CCNY: variants seen among roughly 807,000 people sequenced by gnomAD.
CCNY encodes the protein cyclin-Y.
In CCNY, 19 loss-of-function variants were observed where a neutral mutation model predicts 42.8. That is an observed-to-expected ratio of 0.44 (90% confidence interval 0.31 to 0.65). The LOEUF is 0.65. CCNY is among the 30% of genes least tolerant of loss of function. CCNY has a pLI of 0.07. For synonymous variants in CCNY, 165 were observed against 162.7 expected (o/e 1.01, Z -0.11); for missense variants, 370 against 437.3 (o/e 0.85, Z 1.37).
At chr10:35,379,015 T>A (rs192501764) in intron 1 of CCNY, among the ~76,000 whole-genome samples, 4 of 152,258 alleles carry the variant, frequency 2.6e-5, no homozygotes, top group African/African-American at 9.6e-5. Flanking sequence ...GGATGAAGGT[T>A]GAAAGGAGTA....
At chr10:35,471,265 G>A (rs1272496820) in intron 1 of CCNY, among the ~76,000 whole-genome samples, 7 of 152,106 alleles carry the variant, frequency 4.6e-5, no homozygotes, top group Middle Eastern at 3.2e-3. Context: ...AGGGGCTTGC[G>A]AGGGGGAGGG....
chr10:35,377,473 A>G (rs913648248), intron 1 of CCNY, among the ~76,000 whole-genome samples: 2 of 152,238 alleles, frequency 1.3e-5, no homozygotes, highest in African/African-American at 4.8e-5. Flanking sequence ...CGGCTGTCCT[A>G]TATAACCAAG....
intron 2 of CCNY, chr10:35,250,382 T>C (rs1378513495): frequency 6.6e-6 from 1 of 151,840 alleles, no homozygotes; most frequent in Non-Finnish European, 1.5e-5. Context: ...AAATAAATAA[T>C]AAAGTGAAGG....
intron 9 of CCNY, 87 bp from the exon 10 acceptor site, chr10:35,568,967 C>A: frequency 3.6e-6 from 3 of 844,476 alleles, no homozygotes; most frequent in Non-Finnish European, 6.0e-6. Flanking sequence ...GCCTGTCCCT[C>A]ATGCAGCGCC....
At chr10:35,315,239 C>G (rs1304162253) in intron 3 of CCNY, 1 of 152,168 alleles carries the variant, frequency 6.6e-6, no homozygotes, top group South Asian at 2.1e-4. Flanking sequence ...TGGTAGTTAT[C>G]TTTTCTGATC....
At chr10:35,561,101 T>C (rs1454326030) in intron 8 of CCNY, among the ~76,000 whole-genome samples, 1 of 152,150 alleles carries the variant, frequency 6.6e-6, no homozygotes, top group Non-Finnish European at 1.5e-5. Context: ...AGATGAACAA[T>C]GGGTTCCTTC....
At chr10:35,266,202 C>T (rs1018330346) in intron 3 of CCNY, among the ~76,000 whole-genome samples, 1 of 151,224 alleles carries the variant, frequency 6.6e-6, no homozygotes, top group Non-Finnish European at 1.5e-5. Context: ...CTCAGCCTCC[C>T]GAGTAGCTGG....
At chr10:35,337,958 T>G (rs1204610500) in intron 1 of CCNY, among the ~76,000 whole-genome samples, 3 of 152,206 alleles carry the variant, frequency 2.0e-5, no homozygotes, top group African/African-American at 7.2e-5. Context: ...CACGCAGTAA[T>G]GTTTTATTTA....
chr10:35,557,523 G>A (rs144688199), intron 8 of CCNY, among the ~76,000 whole-genome samples: 3 of 152,282 alleles, frequency 2.0e-5, no homozygotes, highest in African/African-American at 7.2e-5. Flanking sequence ...TTGGGAGGCC[G>A]AGGTGGGTGG....
At chr10:35,489,130 A>G (rs1377822753) in intron 2 of CCNY, among the ~76,000 whole-genome samples, 1 of 152,138 alleles carries the variant, frequency 6.6e-6, no homozygotes. Flanking sequence ...ACAAAAAACT[A>G]ACTGGGCGTG....
At chr10:35,532,970 C>T (rs986742276) in intron 7 of CCNY, among the ~76,000 whole-genome samples, 1 of 152,238 alleles carries the variant, frequency 6.6e-6, no homozygotes, top group Non-Finnish European at 1.5e-5. Context: ...TCCTGTAGGT[C>T]TGGAAGGACA....
rs796927132 is a variant in CCNY at position 35,293,788 on chromosome 10, ATTT to A, written c.-9+43178_-9+43180del. On this transcript the variant is annotated intron_variant, in intron 3 of 11. Coordinates refer to the CCNY transcript ENST00000374706. ...CTAAAAATGTACAGACATACAATTG[ATTT>A]TTTTTTTTTTTTTTTGAGACACAGA... 9.7e-3 allele frequency among the ~76,000 whole-genome samples: 1,353 copies of A among 139,788 alleles called. 8 individuals carry two copies. The highest frequency in any genetic ancestry group is 0.015 in the Non-Finnish European group (981 of 63,864). 91.7% of individuals were successfully genotyped at this position (139,788 alleles called of 152,430 possible). A position where few individuals can be genotyped will look rare whatever the true frequency, so the allele number is the denominator to read the frequency against.
rs375649877 is a variant in CCNY, at chr10:35,430,139, C to T, written c.155-53265C>T. On this transcript the variant is annotated intron_variant, in intron 1 of 9. Coordinates refer to ENST00000374704, the MANE Select transcript of CCNY (RefSeq NM_145012.6). ...GATCACGAGGTCAGGAGATCGAGAC[C>T]ATCCCGGCTAAAACGGTGAAACCCC... Among the ~76,000 whole-genome samples the T allele has an allele frequency of 2.6e-4, 39 of 151,598 alleles. 1 individual carries two copies. The East Asian group carries it at 6.2e-3, about 24-fold the overall frequency.
In CCNY at chr10:35,274,915, C is replaced by T. The variant is rs571168789; in HGVS notation, c.-9+24289C>T. 7.2e-5 allele frequency among the ~76,000 whole-genome samples: 11 copies of T among 152,244 alleles called. No individual in the cohort carries two copies. In the East Asian group the frequency reaches 1.9e-3, roughly 27 times the overall value. On this transcript the variant is annotated intron_variant, in intron 3 of 11. Transcript: ENST00000374706. ...TTAAGACTACTGCAGTCTCCCATCA[C>T]CTGCTGTGATCCCCCTGGCTTCTGC...
intron 1 of CCNY, among the ~76,000 whole-genome samples, chr10:35,374,954 T>C (rs773804634): frequency 8.5e-5 from 13 of 152,136 alleles, no homozygotes; most frequent in Non-Finnish European, 1.8e-4. Flanking sequence ...GTTCTCAGAC[T>C]GTAAGAAAGG....
chr10:35,516,599 C>G lies in CCNY; in HGVS notation c.341C>G (p.Pro114Arg). Reference sequence around the variant, plus strand: ...CTAGATGATAGCACAGTCAGTCAACCAAACCTCAAGTATACAATTAAATGG... The same window carrying G: ...CTAGATGATAGCACAGTCAGTCAACGAAACCTCAAGTATACAATTAAATGG... ...IFLDDSTVSQ[P>R]NLKYTIKCVA... The change falls in exon 4 of 10, where the codon CCA becomes CGA. Residue 114 changes from proline (P) to arginine (R), a missense_variant. By Grantham distance (103) the Pro-to-Arg change is moderately radical (BLOSUM62 -2). Transcript: ENST00000374704. 2.5e-6 allele frequency: 4 copies of G among 1,605,960 alleles called. No individual in the cohort carries two copies. Among genetic ancestry groups the G allele is most frequent in the Non-Finnish European group, 3.4e-6 (4 of 1,174,832 alleles).
rs7092436 is a variant in CCNY at position 35,569,041 on chromosome 10, T to C, written c.910-13T>C. 4.2e-3 allele frequency: 6,607 copies of C among 1,570,214 alleles called. 245 individuals are homozygous for C. The African/African-American group carries it at 0.078, about 19-fold the overall frequency. On this transcript the variant is annotated splice_polypyrimidine_tract_variant and intron_variant, in intron 9 of 9. Coordinates refer to ENST00000374704, the MANE Select transcript of CCNY (RefSeq NM_145012.6). ...GGCCCGCCCTGACCCACACTGTCTT[T>C]CTTGCCCCTCAGGCCATCTCTCGCC... is the stretch of plus-strand genomic sequence containing the variant.
At chr10:35,457,623 C>G (rs1313052670) in intron 1 of CCNY, among the ~76,000 whole-genome samples, 1 of 151,980 alleles carries the variant, frequency 6.6e-6, no homozygotes, top group Non-Finnish European at 1.5e-5. Flanking sequence ...CTCTGTCGCC[C>G]AAGCTGGAGT....
At chr10:35,267,761 T>G (rs1405668093) in intron 3 of CCNY, among the ~76,000 whole-genome samples, 2 of 152,164 alleles carry the variant, frequency 1.3e-5, no homozygotes, top group Admixed American at 1.3e-4. Flanking sequence ...CCTTACATGT[T>G]CCTGCTTGAG....
Sources: allele counts gnomAD v4.1 joint callset (sites outside exome capture counted in the v4.1 genomes callset), GRCh38; gene constraint gnomAD v4.1.1; transcripts MANE v1.5; gene names NCBI Gene and HGNC (gene_info 2026-07-23, HGNC 2026-07-21).